The following ARHGEF10 variants were observed in gnomAD, a reference collection of about 807,000 sequenced individuals.
The protein encoded by ARHGEF10 is Rho guanine nucleotide exchange factor (GEF) 10.
Under a neutral mutation model 147.4 loss-of-function variants are expected in ARHGEF10, and 140 were observed. The ratio of observed to expected loss-of-function variants is 0.95; its 90% confidence interval spans 0.83 to 1.09. The LOEUF (loss-of-function observed/expected upper bound fraction) is 1.09, where lower values mean the gene tolerates loss of function less well. Ranked by LOEUF, ARHGEF10 falls within the 50% of genes least tolerant of loss-of-function variation. ARHGEF10 has a pLI of 0.00. For synonymous variants in ARHGEF10, 902 were observed against 695.8 expected (o/e 1.30, Z -4.67); for missense variants, 2,222 against 1,752.7 (o/e 1.27, Z -4.78).
At position 1,866,733 on chromosome 8, in the gene ARHGEF10, T is replaced by C. The variant is rs546045474; in HGVS notation, c.622+131T>C. The C allele has an allele frequency of 5.2e-5, 49 of 934,628 alleles. No individual in the cohort carries two copies. In the South Asian group the frequency reaches 6.6e-4, roughly 13 times the overall value. 57.9% of individuals were successfully genotyped at this position (934,628 alleles called of 1,614,324 possible). The stretch of plus-strand genomic sequence containing the variant: ...TAAAAAGATGTTTATTTACTGAAAA[T>C]AGTAACATGGGCTGACTGTGCAGAA... On this transcript the variant is annotated intron_variant, in intron 6 of 28. Transcript: ENST00000349830.
chr8:1,840,424 A>C (rs1245689718), intron 1 of ARHGEF10, among the ~76,000 whole-genome samples: 2 of 121,066 alleles, frequency 1.7e-5, no homozygotes, highest in East Asian at 2.9e-4. Context: ...CTGGTGTGGA[A>C]GCTGTCCGGT....
chr8:1,856,455 A>T (rs78188929), intron 2 of ARHGEF10, among the ~76,000 whole-genome samples: 2,206 of 152,282 alleles, frequency 0.014, 83 homozygotes, highest in East Asian at 0.095. Context: ...TTTCCTTCAA[A>T]AGGCACTCCT....
chr8:1,860,409 A>G (rs1481344425), intron 4 of ARHGEF10, among the ~76,000 whole-genome samples: 1 of 90,576 alleles, frequency 1.1e-5, no homozygotes, highest in Non-Finnish European at 2.0e-5. Flanking sequence ...CCTCCTCTCC[A>G]TGCCCCCGAT....
chr8:1,906,062 A>G (rs1810867595), intron 17 of ARHGEF10, among the ~76,000 whole-genome samples: 1 of 152,310 alleles, frequency 6.6e-6, no homozygotes, highest in South Asian at 2.1e-4. Context: ...TTCTCTATAA[A>G]TATATTTTTG....
intron 2 of ARHGEF10, among the ~76,000 whole-genome samples, chr8:1,845,548 C>A (rs35717593): frequency 0.13 from 20,498 of 152,194 alleles, 1,469 homozygotes; most frequent in South Asian, 0.21. Context: ...GCGTGGAGGA[C>A]GTAGGACCCG....
chr8:1,861,084 G>C (rs1317303184), intron 4 of ARHGEF10, among the ~76,000 whole-genome samples: 1 of 152,206 alleles, frequency 6.6e-6, no homozygotes, highest in Non-Finnish European at 1.5e-5. Context: ...GACTGTGGGT[G>C]CCCTCGTGGG....
At chr8:1,945,330 T>G in intron 26 of ARHGEF10, 151 bp from the exon 27 acceptor site, 1 of 942,046 alleles carries the variant, frequency 1.1e-6, no homozygotes, top group Non-Finnish European at 1.6e-6. Context: ...TTGCTGGTGT[T>G]TGGTTGCTGG....
chr8:1,896,887 C>T lies in ARHGEF10; in HGVS notation c.1557+438C>T, dbSNP rs1030845736. On this transcript the variant is annotated intron_variant, in intron 14 of 28. Transcript: ENST00000349830. ...GACGCAGGCTGTGTTCCTCCCAATGCTGAGGACAGCACTGATGGCCTTCCT... is the reference window on the plus strand; with the variant it reads ...GACGCAGGCTGTGTTCCTCCCAATGTTGAGGACAGCACTGATGGCCTTCCT... Among the ~76,000 whole-genome samples the T allele has an allele frequency of 1.2e-4, 18 of 152,246 alleles. 1 individual carries two copies. The highest frequency in any genetic ancestry group is 9.8e-4 in the Admixed American group (15 of 15,288).
Position 1,956,901 on chromosome 8 carries a change from A to T in ARHGEF10, c.3673A>T (p.Ser1225Cys). The change falls in exon 29 of 29, where the codon AGT (serine) becomes TGT (cysteine). Residue 1225 changes from serine to cysteine, a missense_variant. Ser to Cys is a moderately radical substitution (Grantham distance 112). Transcript: ENST00000349830. The stretch of plus-strand genomic sequence containing the variant: ...CGAAGACCAGAAGGACGCACTTCCG[A>T]GTGGAGGAGCTGGTTCATCTCTGAG... ...QDEDQKDALP[S>C]GGAGSSLSQG... 1 of 1,614,026 alleles carries T rather than the reference A, an allele frequency of 6.2e-7. No individual in the cohort carries two copies. Among genetic ancestry groups the T allele is most frequent in the Non-Finnish European group, 8.5e-7 (1 of 1,179,958 alleles).
chr8:1,854,867 C>T (rs1376008734), intron 2 of ARHGEF10, among the ~76,000 whole-genome samples: 1 of 152,192 alleles, frequency 6.6e-6, no homozygotes, highest in Admixed American at 6.5e-5. Flanking sequence ...GAGGTGCCGG[C>T]TCCGAGAACG....
chr8:1,918,935 TTC>T (rs1449557232), intron 18 of ARHGEF10, among the ~76,000 whole-genome samples: 5 of 151,932 alleles, frequency 3.3e-5, no homozygotes, highest in African/African-American at 1.2e-4. Context: ...GATGGAGTTG[TTC>T]TGTCAGTGAT....
rs373606047 is a variant in ARHGEF10 at position 1,952,699 on chromosome 8, G to A, written c.3398-6G>A. ...GACCCGAAGCCACTCATGTCTTTCC[G>A]CCCAGGGCACCAGCGGCTGTCGGTG... is the stretch of plus-strand genomic sequence containing the variant. On this transcript the variant is annotated splice_polypyrimidine_tract_variant and splice_region_variant and intron_variant, in intron 27 of 28. Transcript: ENST00000349830. The A allele has an allele frequency of 1.7e-5, 27 of 1,613,280 alleles. No homozygotes were observed. The African/African-American group carries it at 2.4e-4, about 14-fold the overall frequency.
At chr8:1,940,263 C>G (rs1342614082) in intron 26 of ARHGEF10, among the ~76,000 whole-genome samples, 1 of 152,178 alleles carries the variant, frequency 6.6e-6, no homozygotes, top group Non-Finnish European at 1.5e-5. Flanking sequence ...CTGCCCCAAA[C>G]AGTTTTCCAG....
intron 1 of ARHGEF10, among the ~76,000 whole-genome samples, chr8:1,830,864 G>A (rs1335088372): frequency 1.3e-5 from 2 of 152,242 alleles, no homozygotes; most frequent in Non-Finnish European, 2.9e-5. Flanking sequence ...AGAGAATGGG[G>A]TCATTGCCTG....
chr8:1,860,092 C>G lies in ARHGEF10; in HGVS notation c.389C>G (p.Pro130Arg). 1 of 1,614,102 alleles carries G rather than the reference C, an allele frequency of 6.2e-7. No individual in the cohort carries two copies. Among genetic ancestry groups the G allele is most frequent in the Non-Finnish European group, 8.5e-7 (1 of 1,180,002 alleles). The change falls in exon 4 of 29, where the codon CCC (proline) becomes CGC (arginine). Residue 130 changes from proline (P) to arginine (R), a missense_variant. Physicochemically the swap from Pro to Arg is moderately radical, Grantham distance 103. Transcript: ENST00000349830. ...CCCTGCGGGTACTTGGTGCCTGTAC[C>G]CTGCGGCTATGCGGTGCCCTCCAAC... ...HVPCGYLVPV[P>R]CGYAVPSNLP...
rs533798230 is a variant in ARHGEF10, at chr8:1,930,504, G to A, written c.3079+1061G>A. Among the ~76,000 whole-genome samples the A allele has an allele frequency of 1.1e-4, 11 of 101,188 alleles. No individual in the cohort carries two copies. The South Asian group carries it at 3.4e-3, about 31-fold the overall frequency. The allele number at this position is 101,188 out of a possible 152,430, so 66.4% of individuals were successfully genotyped here. A position where few individuals can be genotyped will look rare whatever the true frequency, so the allele number is the denominator to read the frequency against. ...AGGTTTTTACCCTCCCCGCCCCCCC[G>A]CTGAAAATTGTGTGGTGAGTCCCCA... is the stretch of plus-strand genomic sequence containing the variant. On this transcript the variant is annotated intron_variant, in intron 25 of 28. Coordinates refer to ENST00000349830, the MANE Select transcript of ARHGEF10 (RefSeq NM_014629.4).
intron 7 of ARHGEF10, 62 bp from the exon 8 acceptor site, chr8:1,876,509 G>A (rs1190555381): frequency 3.3e-6 from 5 of 1,524,542 alleles, no homozygotes; most frequent in Non-Finnish European, 4.6e-6. Flanking sequence ...CCACAAACAG[G>A]CACAAAACAG....
intron 17 of ARHGEF10, among the ~76,000 whole-genome samples, chr8:1,907,535 G>C (rs1185728004): frequency 6.6e-6 from 1 of 152,204 alleles, no homozygotes; most frequent in East Asian, 1.9e-4. Flanking sequence ...TGCTGCTCCA[G>C]AACCCCTCAG....
At chr8:1,899,671 G>T (rs1011242237) in intron 15 of ARHGEF10, among the ~76,000 whole-genome samples, 8 of 152,156 alleles carry the variant, frequency 5.3e-5, no homozygotes, top group African/African-American at 1.9e-4. Flanking sequence ...TGTGCAGTTT[G>T]CCTGTATTAC....
Sources: gnomAD v4.1 joint callset for allele counts (sites outside exome capture counted in the v4.1 genomes callset) on GRCh38, gnomAD v4.1.1 for gene constraint, MANE v1.5 for transcripts, NCBI Gene and HGNC (gene_info 2026-07-23, HGNC 2026-07-21) for gene names.